PRRG1: variants seen among roughly 807,000 people sequenced by gnomAD.
PRRG1 encodes proline rich and Gla domain 1, also known as transmembrane gamma-carboxyglutamic acid protein 1.
In PRRG1, 5 loss-of-function variants were observed where a neutral mutation model predicts 11.8. The observed-to-expected ratio is 0.42, with a 90% CI of 0.22 to 0.89. PRRG1 has a LOEUF of 0.89. Ranked by LOEUF, PRRG1 falls within the 40% of genes least tolerant of loss-of-function variation. The probability of loss-of-function intolerance (pLI) is 0.28; values close to 1 mark genes in which losing one functional copy is unlikely to be tolerated. For missense variants in PRRG1, 155 were observed against 166.1 expected (o/e 0.93, Z 0.37); for synonymous variants, 66 against 60.4 (o/e 1.09, Z -0.43).
intron 3 of PRRG1, among the ~76,000 whole-genome samples, 175 bp from the exon 4 acceptor site, chrX:37,452,961 A>T (rs913525384): frequency 2.7e-5 from 3 of 112,070 alleles, no homozygotes; most frequent in African/African-American, 9.7e-5. Context: ...GAGCACAGTT[A>T]TGTATTTGTA....
intron 1 of PRRG1, among the ~76,000 whole-genome samples, chrX:37,379,030 G>GTTT (rs1931070563): frequency 2.2e-5 from 1 of 45,082 alleles, no homozygotes; most frequent in African/African-American, 1.2e-4. Flanking sequence ...ACATCTTTTT[G>GTTT]CTTTTTTTTT....
intron 3 of PRRG1, among the ~76,000 whole-genome samples, chrX:37,447,151 A>G (rs1432007757): frequency 2.7e-5 from 3 of 112,580 alleles, no homozygotes; most frequent in African/African-American, 9.7e-5. Flanking sequence ...AATACTACAA[A>G]GTAAGAAATA....
chrX:37,399,616 A>G (rs1466104181), intron 1 of PRRG1, among the ~76,000 whole-genome samples: 17 of 102,286 alleles, frequency 1.7e-4, no homozygotes, highest in African/African-American at 5.7e-4. Context: ...GACAGGATCA[A>G]ATTCACACAT....
rs1172196921 is a variant in PRRG1 at position 37,454,389 on chromosome X, A to G, written c.*768A>G. Reference sequence around the variant, plus strand: ...GTATATTAACATCTTGATGAGACAGATTTCCAGGCAACAAAATAATTTCTA... The same window carrying G: ...GTATATTAACATCTTGATGAGACAGGTTTCCAGGCAACAAAATAATTTCTA... On this transcript the variant is annotated 3_prime_UTR_variant, in exon 4 of 4. Coordinates refer to ENST00000378628, the MANE Select transcript of PRRG1 (RefSeq NM_001142395.2). The G allele has an allele frequency of 3.6e-5, 4 of 111,356 alleles. No homozygotes were observed. The Admixed American group carries it at 3.8e-4, about 11-fold the overall frequency. 9.2% of individuals were successfully genotyped at this position (111,356 alleles called of 1,213,427 possible). A position where few individuals can be genotyped will look rare whatever the true frequency, so the allele number is the denominator to read the frequency against.
chrX:37,358,605 T>C (rs1362711094), intron 1 of PRRG1, among the ~76,000 whole-genome samples: 2 of 112,010 alleles, frequency 1.8e-5, no homozygotes, highest in African/African-American at 6.5e-5. Flanking sequence ...CTGTCTTTAT[T>C]ACTGTAGTTT....
chrX:37,356,847 T>C (rs1433654528), intron 1 of PRRG1, among the ~76,000 whole-genome samples: 1 of 111,459 alleles, frequency 9.0e-6, no homozygotes, highest in East Asian at 2.8e-4. Context: ...TCCTGCACTA[T>C]CAGGACATCC....
At chrX:37,434,098 A>G (rs1429668509) in intron 3 of PRRG1, among the ~76,000 whole-genome samples, 1 of 112,431 alleles carries the variant, frequency 8.9e-6, no homozygotes, top group Non-Finnish European at 1.9e-5. Flanking sequence ...TATCTTTACT[A>G]TCTTTTTGTT....
At chrX:37,447,145 C>T (rs192102459) in intron 3 of PRRG1, among the ~76,000 whole-genome samples, 2 of 111,756 alleles carry the variant, frequency 1.8e-5, no homozygotes, top group African/African-American at 3.2e-5. Flanking sequence ...CAGAAAAATA[C>T]TACAAAGTAA....
intron 1 of PRRG1, among the ~76,000 whole-genome samples, chrX:37,372,979 G>A (rs782482417): frequency 4.5e-5 from 5 of 112,181 alleles, no homozygotes; most frequent in African/African-American, 9.7e-5. Flanking sequence ...TGTATATAGT[G>A]TGAGATAATG....
At chrX:37,397,621 A>G (rs1235928913) in intron 1 of PRRG1, among the ~76,000 whole-genome samples, 2 of 112,238 alleles carry the variant, frequency 1.8e-5, no homozygotes, top group Non-Finnish European at 3.8e-5. Flanking sequence ...AAATATCACT[A>G]TTGATATTGA....
chrX:37,419,150 A>G (rs1932587320), intron 2 of PRRG1, among the ~76,000 whole-genome samples: 1 of 112,197 alleles, frequency 8.9e-6, no homozygotes. Context: ...CAAACTATCA[A>G]CCTAAAGTTC....
At chrX:37,375,782 A>G (rs1420858095) in intron 1 of PRRG1, among the ~76,000 whole-genome samples, 1 of 111,222 alleles carries the variant, frequency 9.0e-6, no homozygotes, top group Non-Finnish European at 1.9e-5. Context: ...AGCCCAAAAT[A>G]ATTTTTCTTT....
chrX:37,405,858 T>A (rs1335314567), intron 1 of PRRG1, among the ~76,000 whole-genome samples: 32 of 111,771 alleles, frequency 2.9e-4, no homozygotes, highest in Non-Finnish European at 1.3e-4. Flanking sequence ...GTTATTAGCA[T>A]TGGACCTTTT....
chrX:37,454,616 C>G lies in PRRG1; in HGVS notation c.*995C>G, dbSNP rs1443970949. The G allele has an allele frequency of 8.9e-6, 1 of 111,734 alleles. No homozygotes were observed. The highest frequency in any genetic ancestry group is 1.9e-5 in the Non-Finnish European group (1 of 53,217). The allele number at this position is 111,734 out of a possible 1,213,427, so 9.2% of individuals were successfully genotyped here. Reference sequence around the variant, plus strand: ...TATTGTCTTAATATTTTTATATAGGCTGATGTCTTTGCCTCAAGATTGTTA... The same window carrying G: ...TATTGTCTTAATATTTTTATATAGGGTGATGTCTTTGCCTCAAGATTGTTA... On this transcript the variant is annotated 3_prime_UTR_variant, in exon 4 of 4. Coordinates refer to ENST00000378628, the MANE Select transcript of PRRG1 (RefSeq NM_001142395.2).
At chrX:37,419,311 T>G (rs990957864) in intron 2 of PRRG1, among the ~76,000 whole-genome samples, 1 of 111,743 alleles carries the variant, frequency 8.9e-6, no homozygotes, top group African/African-American at 3.3e-5. Context: ...CAACATATAT[T>G]TGACCAAAGT....
intron 3 of PRRG1, among the ~76,000 whole-genome samples, chrX:37,446,482 G>A (rs950007497): frequency 3.6e-5 from 4 of 111,764 alleles, no homozygotes; most frequent in African/African-American, 6.5e-5. Flanking sequence ...TAATACATCC[G>A]TAATGTTCAG....
At chrX:37,435,792 C>A (rs186884450) in intron 3 of PRRG1, among the ~76,000 whole-genome samples, 1 of 109,916 alleles carries the variant, frequency 9.1e-6, no homozygotes, top group Non-Finnish European at 1.9e-5. Context: ...CATGATTAGA[C>A]GAAATGTCAA....
chrX:37,378,278 T>G (rs2146538442), intron 1 of PRRG1, among the ~76,000 whole-genome samples: 1 of 112,128 alleles, frequency 8.9e-6, no homozygotes, highest in East Asian at 2.8e-4. Context: ...AGATGAATGC[T>G]TCAGAGGTAA....
At chrX:37,377,155 C>CATTTTAAATAAAATGACTTTAGG (rs1320689060) in intron 1 of PRRG1, among the ~76,000 whole-genome samples, 1 of 111,668 alleles carries the variant, frequency 9.0e-6, no homozygotes, top group East Asian at 2.8e-4. Flanking sequence ...TATTTCAAGT[C>CATTTTAAATAAAATGACTTTAGG]ATTTTAAATA....
Sources: allele counts gnomAD v4.1 joint callset (sites outside exome capture counted in the v4.1 genomes callset), GRCh38; gene constraint gnomAD v4.1.1; transcripts MANE v1.5; gene names NCBI Gene and HGNC (gene_info 2026-07-23, HGNC 2026-07-21).